The following PCDH15 variants were observed in gnomAD, a reference collection of about 807,000 sequenced individuals.
PCDH15 encodes the protein protocadherin related 15.
PCDH15 carries 129 observed loss-of-function variants against 178.5 expected under a neutral mutation model. The ratio of observed to expected loss-of-function variants is 0.72; its 90% CI spans 0.63 to 0.84. The LOEUF is 0.84. Ranked by LOEUF, PCDH15 falls within the 40% of genes least tolerant of loss-of-function variation. The probability of loss-of-function intolerance (pLI) is 0.00; values close to 1 mark genes in which losing one functional copy is unlikely to be tolerated. For synonymous variants in PCDH15, 800 were observed against 732.0 expected (o/e 1.09, Z -1.50); for missense variants, 2,230 against 2,099.9 (o/e 1.06, Z -1.21).
At chr10:55,008,654 T>C (rs566325261) in intron 2 of PCDH15, among the ~76,000 whole-genome samples, 1 of 152,106 alleles carries the variant, frequency 6.6e-6, no homozygotes, top group Non-Finnish European at 1.5e-5. Context: ...ACTTAGGGCA[T>C]AATACCCCCA....
At chr10:54,519,844 A>G (rs936577838) in intron 3 of PCDH15, among the ~76,000 whole-genome samples, 7 of 152,244 alleles carry the variant, frequency 4.6e-5, no homozygotes, top group African/African-American at 1.2e-4. Context: ...AAAACAGCAT[A>G]GTACTGGTAC....
At chr10:55,331,254 T>C (rs1052248645) in intron 2 of PCDH15, among the ~76,000 whole-genome samples, 23 of 152,090 alleles carry the variant, frequency 1.5e-4, no homozygotes, top group Non-Finnish European at 2.8e-4. Flanking sequence ...TATTTTTGGG[T>C]ATTTCCTATT....
At chr10:55,026,093 C>T (rs1840468884) in intron 2 of PCDH15, among the ~76,000 whole-genome samples, 1 of 151,856 alleles carries the variant, frequency 6.6e-6, no homozygotes, top group African/African-American at 2.4e-5. Flanking sequence ...CAATTTCAGG[C>T]TAACAAGGTT....
chr10:55,231,201 G>A (rs553210370), intron 1 of PCDH15, among the ~76,000 whole-genome samples: 1 of 151,952 alleles, frequency 6.6e-6, no homozygotes, highest in African/African-American at 2.4e-5. Flanking sequence ...AACAAAAATT[G>A]AATCTGGATA....
intron 2 of PCDH15, among the ~76,000 whole-genome samples, chr10:54,625,479 G>A (rs912573945): frequency 2.0e-5 from 3 of 152,038 alleles, no homozygotes; most frequent in Admixed American, 6.6e-5. Flanking sequence ...GAGTTATGAG[G>A]GGGAGACTTT....
intron 2 of PCDH15, among the ~76,000 whole-genome samples, chr10:54,937,826 C>G (rs1837945311): frequency 6.6e-6 from 1 of 151,830 alleles, no homozygotes; most frequent in African/African-American, 2.4e-5. Context: ...TTTCTTATTC[C>G]AAGACTTTAT....
intron 2 of PCDH15, among the ~76,000 whole-genome samples, chr10:55,589,081 C>CAAAA (rs35940637): frequency 3.5e-4 from 28 of 80,876 alleles, no homozygotes; most frequent in Non-Finnish European, 4.9e-4. Context: ...AATTCCGTGT[C>CAAAA]AAAAAAAAAA....
chr10:53,811,394 A>G (rs1168615329), intron 36 of PCDH15, among the ~76,000 whole-genome samples, 155 bp downstream of exon 36: 6 of 152,246 alleles, frequency 3.9e-5, no homozygotes, highest in Admixed American at 1.3e-4. Context: ...AACTTGGTTA[A>G]AAATAAAGCT....
chr10:54,884,382 C>A (rs1490638964), intron 3 of PCDH15, among the ~76,000 whole-genome samples: 1 of 151,710 alleles, frequency 6.6e-6, no homozygotes, highest in African/African-American at 2.4e-5. Context: ...TGAAGGAAAG[C>A]CAAACTTAAA....
rs552016455 is a variant in PCDH15 at position 54,346,411 on chromosome 10, G to T, written c.548C>A (p.Pro183Gln). The T allele has an allele frequency of 7.4e-6, 12 of 1,613,224 alleles. No homozygotes were observed. Among genetic ancestry groups the T allele is most frequent in the South Asian group, 4.4e-5 (4 of 91,046 alleles). ...DNGATDIDDG[P>Q]NGQIEYVIQY... ...AATAACATACTCTATCTGTCCATTT[G>T]GTCCATCATCTATATCTGTAGCTCC... Residue 183 changes from proline (P) to glutamine (Q), a missense_variant, in exon 6 of 38, where the codon CCA becomes CAA. Physicochemically the swap from Pro to Gln is moderately conservative, Grantham distance 76. Transcript: ENST00000644397.
intron 15 of PCDH15, 29 bp downstream of exon 15, chr10:54,132,840 TACACAC>T (rs5785040): frequency 1.3e-5 from 19 of 1,496,144 alleles, no homozygotes; most frequent in East Asian, 7.6e-5. Flanking sequence ...TTAGAATTTA[TACACAC>T]ACACACACAC....
At chr10:55,325,568 T>A (rs1410888314) in intron 2 of PCDH15, among the ~76,000 whole-genome samples, 1 of 152,020 alleles carries the variant, frequency 6.6e-6, no homozygotes. Flanking sequence ...AAAAATCAAC[T>A]CAAAATGGAT....
chr10:53,914,402 G>A (rs138518831), intron 25 of PCDH15, among the ~76,000 whole-genome samples: 1,767 of 152,224 alleles, frequency 0.012, 27 homozygotes, highest in African/African-American at 0.037. Context: ...AAGAAAATGT[G>A]GCACATATAC....
intron 2 of PCDH15, among the ~76,000 whole-genome samples, chr10:55,330,182 T>A (rs1844161544): frequency 6.6e-6 from 1 of 151,846 alleles, no homozygotes. Context: ...ATTTAAAATA[T>A]GTTTAGTATC....
chr10:55,132,873 G>A (rs546161142), intron 2 of PCDH15, among the ~76,000 whole-genome samples: 9 of 152,226 alleles, frequency 5.9e-5, no homozygotes, highest in Admixed American at 5.9e-4. Flanking sequence ...ACTGTCTGGC[G>A]AGAAATTTAA....
chr10:54,436,037 A>AGAGGAGAG (rs1565270708), intron 3 of PCDH15, among the ~76,000 whole-genome samples: 8 of 24,256 alleles, frequency 3.3e-4, no homozygotes, highest in African/African-American at 1.3e-3. Flanking sequence ...GAGAGGAGAG[A>AGAGGAGAG]GAGAGAGAGA....
intron 2 of PCDH15, among the ~76,000 whole-genome samples, chr10:55,614,107 C>T (rs578136867): frequency 1.5e-5 from 1 of 66,418 alleles, no homozygotes; most frequent in East Asian, 4.9e-4. Context: ...GAGCCAGACT[C>T]CATCTCAAAA....
intron 1 of PCDH15, among the ~76,000 whole-genome samples, chr10:55,238,112 G>A (rs1295618573): frequency 2.1e-5 from 3 of 142,322 alleles, no homozygotes; most frequent in Non-Finnish European, 1.5e-5. Flanking sequence ...ATAAGCTTTA[G>A]TTTATCTATA....
intron 1 of PCDH15, among the ~76,000 whole-genome samples, chr10:54,770,688 T>C (rs1446213478): frequency 6.6e-6 from 1 of 151,984 alleles, no homozygotes; most frequent in African/African-American, 2.4e-5. Context: ...CACTCTCCCC[T>C]GGCCTTGTGC....
Sources: gnomAD v4.1 joint callset for allele counts (sites outside exome capture counted in the v4.1 genomes callset) on GRCh38, gnomAD v4.1.1 for gene constraint, MANE v1.5 for transcripts, NCBI Gene and HGNC (gene_info 2026-07-23, HGNC 2026-07-21) for gene names.